Variants in TPM3 observed in about 807,000 individuals in gnomAD.
TPM3 encodes tropomyosin alpha-3 chain.
TPM3 carries 16 observed loss-of-function variants against 43.1 expected under a neutral mutation model. The ratio of observed to expected loss-of-function variants is 0.37; its 90% CI spans 0.25 to 0.56. The LOEUF is 0.56. TPM3 is among the 20% of genes least tolerant of loss of function. The pLI, the probability that TPM3 is intolerant of heterozygous loss-of-function variation, is 0.77. For synonymous variants in TPM3, 101 were observed against 116.9 expected, an observed-to-expected ratio of 0.86 and a Z score of 0.88; for missense variants, 176 against 337.2, an observed-to-expected ratio of 0.52 and a Z score of 3.74.
intron 8 of TPM3, chr1:154,169,896 G>A (rs558413861): frequency 4.6e-5 from 11 of 241,132 alleles, no homozygotes; most frequent in Non-Finnish European, 8.2e-5. Context: ...CCTTGTCAGG[G>A]TGGATGGCAG....
intron 3 of TPM3, among the ~76,000 whole-genome samples, chr1:154,174,378 A>ATATATATATG (rs1558049042): frequency 4.9e-5 from 4 of 80,992 alleles, no homozygotes; most frequent in African/African-American, 2.5e-4. Context: ...GTATATATAT[A>ATATATATATG]TATATATATA....
At position 154,167,232 on chromosome 1, in the gene TPM3, A is replaced by T. The variant is rs1279997915; in HGVS notation, c.*705T>A. Reference sequence around the variant, plus strand: ...AAGAAAGGTTTAAAGAAGAAAAAGTAAAAAAACCGTCCAGAATTCTATCCA... The same window carrying T: ...AAGAAAGGTTTAAAGAAGAAAAAGTTAAAAAACCGTCCAGAATTCTATCCA... On this transcript the variant is annotated 3_prime_UTR_variant, in exon 10 of 10. Transcript: ENST00000651641. 4 of 924,456 alleles carry T rather than the reference A, an allele frequency of 4.3e-6. No individual in the cohort carries two copies. The highest frequency in any genetic ancestry group is 6.2e-5 in the Admixed American group (1 of 16,162). The allele number at this position is 924,456 out of a possible 1,614,324, so 57.3% of individuals were successfully genotyped here.
chr1:154,159,831 C>T (rs1406098330), downstream of TPM3, among the ~76,000 whole-genome samples: 6 of 152,040 alleles, frequency 3.9e-5, no homozygotes, highest in Non-Finnish European at 7.4e-5. Flanking sequence ...TTGCCTTCAA[C>T]ATGGATGTGA....
chr1:154,162,364 CAAAA>C lies in TPM3; in HGVS notation c.*5569_*5572del, dbSNP rs58289686. Among the ~76,000 whole-genome samples the C allele has an allele frequency of 2.7e-5, 2 of 75,096 alleles. No homozygotes were observed. The highest frequency in any genetic ancestry group is 1.6e-4 in the Admixed American group (1 of 6,080). 49.3% of individuals were successfully genotyped at this position (75,096 alleles called of 152,430 possible). The stretch of plus-strand genomic sequence containing the variant: ...TGGGCAACAGAGCAAGACTCCGTCT[CAAAA>C]AAAAAAAAAAAAAAAAACACAAACC... On this transcript the variant is annotated 3_prime_UTR_variant, in exon 10 of 10. Transcript: ENST00000651641.
chr1:154,175,266 G>C (rs949780942), intron 3 of TPM3, among the ~76,000 whole-genome samples: 1 of 146,760 alleles, frequency 6.8e-6, no homozygotes, highest in Admixed American at 7.0e-5. Context: ...GGGAGGCGGA[G>C]CTTGCAGTGA....
chr1:154,157,627 G>C (rs1237829096), downstream of TPM3: 1 of 776,652 alleles, frequency 1.3e-6, no homozygotes, highest in African/African-American at 1.7e-5. Flanking sequence ...AGCAGGGTGG[G>C]ACTGGGGCGT....
Position 154,183,302 on chromosome 1 carries a change from G to A in TPM3, c.244-7054C>T, listed in dbSNP as rs1571443452. ...AGGCAGGCGGGAAGGCAGTCCACTGGAGGGAGAGCCGCGGCAGGGAGTGGA... is the reference window on the plus strand; with the variant it reads ...AGGCAGGCGGGAAGGCAGTCCACTGAAGGGAGAGCCGCGGCAGGGAGTGGA... On this transcript the variant is annotated intron_variant, in intron 2 of 9. Coordinates refer to ENST00000651641, the MANE Select transcript of TPM3 (RefSeq NM_152263.4). 3.4e-6 allele frequency: 5 copies of A among 1,490,324 alleles called. No homozygotes were observed. The East Asian group carries it at 1.2e-4, about 37-fold the overall frequency. The allele number at this position is 1,490,324 out of a possible 1,614,324, so 92.3% of individuals were successfully genotyped here.
At chr1:154,189,984 C>T (rs906816748) in intron 2 of TPM3, among the ~76,000 whole-genome samples, 5 of 152,102 alleles carry the variant, frequency 3.3e-5, no homozygotes, top group Non-Finnish European at 7.3e-5. Flanking sequence ...CTCTGTTGCC[C>T]AGGCTAGAGT....
intron 1 of TPM3, 164 bp downstream of exon 1, chr1:154,191,738 G>A (rs985440100): frequency 2.2e-5 from 34 of 1,574,990 alleles, no homozygotes; most frequent in Non-Finnish European, 2.7e-5. Context: ...GGCAGTCTGA[G>A]ACAGATATGT....
chr1:154,173,042 G>A, intron 4 of TPM3, 42 bp downstream of exon 4: 1 of 1,613,886 alleles, frequency 6.2e-7, no homozygotes, highest in Non-Finnish European at 8.5e-7. Context: ...ATTATGCTTT[G>A]TAAAAGGCCG....
In TPM3 at chr1:154,168,154, A is replaced by G. The variant is rs530373018; in HGVS notation, c.855-214T>C. ...GCATCAAGGATCAGGGATCCACAGCAAACAGATGAAGCCCCAACAACTCTT... is the reference window on the plus strand; with the variant it reads ...GCATCAAGGATCAGGGATCCACAGCGAACAGATGAAGCCCCAACAACTCTT... On this transcript the variant is annotated intron_variant, in intron 9 of 9. Transcript: ENST00000651641. Among the ~76,000 whole-genome samples the G allele has an allele frequency of 3.3e-5, 5 of 152,346 alleles. No individual in the cohort carries two copies. In the East Asian group the frequency reaches 9.6e-4, roughly 29 times the overall value.
intron 3 of TPM3, among the ~76,000 whole-genome samples, chr1:154,173,496 C>T (rs1368423941): frequency 6.6e-6 from 1 of 152,162 alleles, no homozygotes; most frequent in Non-Finnish European, 1.5e-5. Context: ...GAAACCCCGT[C>T]TCTACTAAAA....
In TPM3 at chr1:154,164,485, A is replaced by G. The variant is rs1361091896; in HGVS notation, c.*3452T>C. On this transcript the variant is annotated 3_prime_UTR_variant, in exon 10 of 10. Coordinates refer to ENST00000651641, the MANE Select transcript of TPM3 (RefSeq NM_152263.4). Reference sequence around the variant, plus strand: ...AATTCTCCTACTCTAAAAACCAGTCATCCTTGTCTTTCCTCCTCACATCAA... The same window carrying G: ...AATTCTCCTACTCTAAAAACCAGTCGTCCTTGTCTTTCCTCCTCACATCAA... Among the ~76,000 whole-genome samples the G allele has an allele frequency of 6.6e-6, 1 of 152,176 alleles. No individual in the cohort carries two copies. Among genetic ancestry groups the G allele is most frequent in the Non-Finnish European group, 1.5e-5 (1 of 68,026 alleles).
chr1:154,191,327 G>A lies in TPM3; in HGVS notation c.118-16C>T, dbSNP rs1189514925. ...CATCCTCCAGCTATAGGAGCCCAGA[G>A]AGTCACACACAAAAACACACAAACA... On this transcript the variant is annotated splice_polypyrimidine_tract_variant and intron_variant, in intron 1 of 9. Coordinates refer to ENST00000651641, the MANE Select transcript of TPM3 (RefSeq NM_152263.4). The A allele has an allele frequency of 1.2e-6, 2 of 1,613,622 alleles. No individual in the cohort carries two copies. Among genetic ancestry groups the A allele is most frequent in the Admixed American group, 1.7e-5 (1 of 60,002 alleles).
intron 2 of TPM3, chr1:154,183,338 C>T (rs914539235): frequency 2.0e-5 from 29 of 1,446,408 alleles, no homozygotes; most frequent in African/African-American, 7.0e-5. Flanking sequence ...TCCTCCCAGT[C>T]GCCCTGGAGT....
chr1:154,161,611 T>A (rs951071730), downstream of TPM3, among the ~76,000 whole-genome samples: 6 of 144,114 alleles, frequency 4.2e-5, no homozygotes, highest in Admixed American at 1.4e-4. Flanking sequence ...AATTTTTGCA[T>A]TTTTTTTTTT....
At chr1:154,179,450 C>T (rs1218279414) in intron 2 of TPM3, among the ~76,000 whole-genome samples, 3 of 152,218 alleles carry the variant, frequency 2.0e-5, no homozygotes, top group Non-Finnish European at 2.9e-5. Flanking sequence ...AGCATTCTAA[C>T]CTCTCCAGAG....
intron 4 of TPM3, 42 bp downstream of exon 4, chr1:154,173,042 G>C: frequency 6.2e-7 from 1 of 1,613,886 alleles, no homozygotes. Context: ...ATTATGCTTT[G>C]TAAAAGGCCG....
At position 154,180,401 on chromosome 1, in the gene TPM3, C is replaced by G. The variant is rs1018869209; in HGVS notation, c.244-4153G>C. 3.3e-5 allele frequency among the ~76,000 whole-genome samples: 5 copies of G among 152,212 alleles called. No homozygotes were observed. In the South Asian group the frequency reaches 1.0e-3, roughly 31 times the overall value. On this transcript the variant is annotated intron_variant, in intron 2 of 9. Coordinates refer to ENST00000651641, the MANE Select transcript of TPM3 (RefSeq NM_152263.4). Reference sequence around the variant, plus strand: ...ATAACAGGTAGCCCAAGCAACCCCCCTCCCTTCCCACAGGTGTCTCCTCCT... The same window carrying G: ...ATAACAGGTAGCCCAAGCAACCCCCGTCCCTTCCCACAGGTGTCTCCTCCT...
Sources: allele counts gnomAD v4.1 joint callset (sites outside exome capture counted in the v4.1 genomes callset), GRCh38; gene constraint gnomAD v4.1.1; transcripts MANE v1.5; gene names NCBI Gene and HGNC (gene_info 2026-07-23, HGNC 2026-07-21).